FAT1: variants seen among roughly 807,000 people sequenced by gnomAD.
FAT1 encodes the protein FAT atypical cadherin 1.
In FAT1, 171 loss-of-function variants were observed where a neutral mutation model predicts 329.8. That is an observed-to-expected ratio of 0.52 (90% confidence interval 0.46 to 0.59). The LOEUF (loss-of-function observed/expected upper bound fraction) is 0.59, where lower values mean the gene tolerates loss of function less well. Among genes scored for constraint, FAT1 ranks in the 20% least tolerant of loss-of-function variants. The probability of loss-of-function intolerance (pLI) is 0.00; values close to 1 mark genes in which losing one functional copy is unlikely to be tolerated. For missense variants in FAT1, 5,672 were observed against 5,774.4 expected (o/e 0.98, Z 0.57); for synonymous variants, 2,233 against 2,228.6 (o/e 1.00, Z -0.06).
rs764977433 is a variant in FAT1, at chr4:186,618,168, G to C, written c.8418C>G (p.Ser2806Arg). 2 of 1,613,986 alleles carry C rather than the reference G, an allele frequency of 1.2e-6. No individual in the cohort carries two copies. Among genetic ancestry groups the C allele is most frequent in the Non-Finnish European group, 1.7e-6 (2 of 1,179,888 alleles). Residue 2806 changes from serine to arginine, a missense_variant, in exon 10 of 27, where the codon AGC becomes AGG. Transcript: ENST00000441802. ...SIQVKDANDN[S>R]PVFESSPYEA... is the part of the protein sequence containing the mutation. ...CATATGGACTAGATTCAAAGACCGG[G>C]CTGTTGTCATTTGCATCTTTCACTT... is the stretch of plus-strand genomic sequence containing the variant.
At position 186,708,296 on chromosome 4, in the gene FAT1, G is replaced by A. The variant is rs757086321; in HGVS notation, c.1532C>T (p.Ala511Val). The A allele has an allele frequency of 7.5e-5, 121 of 1,613,782 alleles. No homozygotes were observed. The highest frequency in any genetic ancestry group is 9.3e-5 in the Non-Finnish European group (110 of 1,179,892). Residue 511 changes from alanine (A) to valine (V), a missense_variant, in exon 2 of 27, where the codon GCG (alanine) becomes GTG (valine). By Grantham distance (64) the Ala-to-Val change is moderately conservative. Transcript: ENST00000441802. ...CACGGCACCAGTGAAATGGTCAATC[G>A]CAAACGGCACATGATTTAAATTTGC... is the stretch of plus-strand genomic sequence containing the variant. Reference protein sequence around the residue: ...SIANLNHVPFAIDHFTGAVST... With the variant: ...SIANLNHVPFVIDHFTGAVST...
chr4:186,666,103 T>G (rs1463496285), intron 2 of FAT1, among the ~76,000 whole-genome samples: 1 of 150,106 alleles, frequency 6.7e-6, no homozygotes, highest in Non-Finnish European at 1.5e-5. Context: ...AGTTAATGGG[T>G]AAAGCACACC....
chr4:186,652,634 A>AT (rs970194011), intron 3 of FAT1, among the ~76,000 whole-genome samples: 10 of 151,712 alleles, frequency 6.6e-5, no homozygotes, highest in African/African-American at 1.7e-4. Flanking sequence ...CAAATAGGTA[A>AT]TTTTTTTTTA....
chr4:186,714,105 G>A (rs1579500859), intron 1 of FAT1, among the ~76,000 whole-genome samples: 1 of 152,170 alleles, frequency 6.6e-6, no homozygotes, highest in African/African-American at 2.4e-5. Context: ...ACCGAGGAGT[G>A]CCACGGTCTC....
chr4:186,647,956 C>G (rs1028147083), intron 3 of FAT1, among the ~76,000 whole-genome samples: 1 of 152,130 alleles, frequency 6.6e-6, no homozygotes, highest in Admixed American at 6.5e-5. Context: ...AATAAAACAC[C>G]TGTAATACAC....
chr4:186,599,843 C>G (rs986157715), intron 22 of FAT1, 55 bp downstream of exon 22: 24 of 1,327,122 alleles, frequency 1.8e-5, no homozygotes, highest in Non-Finnish European at 2.5e-5. Flanking sequence ...GGGGAGCTTC[C>G]CCTTAAATGT....
chr4:186,679,707 A>C (rs992467105), intron 2 of FAT1, among the ~76,000 whole-genome samples: 2 of 152,174 alleles, frequency 1.3e-5, no homozygotes, highest in Non-Finnish European at 1.5e-5. Context: ...CAAAAGGAAA[A>C]GCATGTTATC....
At chr4:186,681,398 G>C (rs1743198891) in intron 2 of FAT1, among the ~76,000 whole-genome samples, 1 of 152,132 alleles carries the variant, frequency 6.6e-6, no homozygotes, top group Non-Finnish European at 1.5e-5. Context: ...TTCTTAAAGA[G>C]GTATGACACC....
chr4:186,652,245 T>C (rs1304944384), intron 3 of FAT1, among the ~76,000 whole-genome samples: 1 of 152,162 alleles, frequency 6.6e-6, no homozygotes, highest in East Asian at 1.9e-4. Flanking sequence ...AAATGTCAGA[T>C]ATAGCAGGGT....
chr4:186,628,054 T>C (rs1423608700), intron 9 of FAT1, 100 bp downstream of exon 9: 3 of 1,265,872 alleles, frequency 2.4e-6, no homozygotes, highest in Non-Finnish European at 3.3e-6. Context: ...TTTTTGCAGA[T>C]ACATAGAAAT....
chr4:186,641,201 G>A (rs1025953374), intron 3 of FAT1, among the ~76,000 whole-genome samples: 6 of 152,030 alleles, frequency 3.9e-5, no homozygotes, highest in Non-Finnish European at 8.8e-5. Flanking sequence ...ACAATTCAAC[G>A]AAACAGTGTT....
At chr4:186,717,361 G>A (rs1462800629) in intron 1 of FAT1, among the ~76,000 whole-genome samples, 2 of 152,140 alleles carry the variant, frequency 1.3e-5, no homozygotes, top group African/African-American at 4.8e-5. Context: ...CCTTAGGCTT[G>A]GTATATGTCA....
At chr4:186,609,700 T>G in intron 15 of FAT1, 101 bp downstream of exon 15, 3 of 794,748 alleles carry the variant, frequency 3.8e-6, no homozygotes, top group Non-Finnish European at 6.2e-6. Flanking sequence ...CTCCAAAATA[T>G]TTACAAAGGC....
Position 186,603,324 on chromosome 4 carries a change from G to A in FAT1, c.11202C>T (p.Phe3734=), listed in dbSNP as rs1738912851. The change falls in exon 19 of 27, where the codon TTC becomes TTT. Residue 3734 remains phenylalanine, a synonymous_variant. Transcript: ENST00000441802. ...AGTCCAGTCCCGCGCAGAGTTTCTG[G>A]AATACATTCAGTATCCTAACTCCAA... The part of the protein sequence containing the change: ...EIIGVRILNV[F]QKLCAGLDCP... 1.9e-6 allele frequency: 3 copies of A among 1,613,984 alleles called. No individual in the cohort carries two copies. The highest frequency in any genetic ancestry group is 1.6e-4 in the Middle Eastern group (1 of 6,062).
intron 2 of FAT1, among the ~76,000 whole-genome samples, chr4:186,694,742 C>A (rs1297877412): frequency 6.6e-6 from 1 of 152,188 alleles, no homozygotes; most frequent in Non-Finnish European, 1.5e-5. Context: ...GAAGGCAGAT[C>A]ACCTGAGGTC....
intron 2 of FAT1, among the ~76,000 whole-genome samples, chr4:186,664,608 A>C (rs1742342836): frequency 6.6e-6 from 1 of 152,170 alleles, no homozygotes; most frequent in Non-Finnish European, 1.5e-5. Flanking sequence ...ACCAGTCAAA[A>C]CTTAACTTCA....
At chr4:186,681,927 T>G (rs1743226307) in intron 2 of FAT1, among the ~76,000 whole-genome samples, 1 of 152,204 alleles carries the variant, frequency 6.6e-6, no homozygotes, top group Non-Finnish European at 1.5e-5. Flanking sequence ...TCGTTACATT[T>G]TGTCACAACT....
chr4:186,671,639 C>T (rs145969715), intron 2 of FAT1, among the ~76,000 whole-genome samples: 243 of 151,660 alleles, frequency 1.6e-3, no homozygotes, highest in African/African-American at 5.6e-3. Context: ...GTGGAGGTTG[C>T]GGTGAGCCAA....
chr4:186,652,500 T>C lies in FAT1; in HGVS notation c.3580+10799A>G, dbSNP rs1378084906. 2.6e-5 allele frequency among the ~76,000 whole-genome samples: 4 copies of C among 152,358 alleles called. No individual in the cohort carries two copies. In the East Asian group the frequency reaches 5.8e-4, roughly 22 times the overall value. Reference sequence around the variant, plus strand: ...AATGTACTGAATAACATTTGACTTCTTGCAAACTTTAGGGATGATATACTT... The same window carrying C: ...AATGTACTGAATAACATTTGACTTCCTGCAAACTTTAGGGATGATATACTT... On this transcript the variant is annotated intron_variant, in intron 3 of 26. Transcript: ENST00000441802.
Sources: allele counts gnomAD v4.1 joint callset (sites outside exome capture counted in the v4.1 genomes callset), GRCh38; gene constraint gnomAD v4.1.1; transcripts MANE v1.5; gene names NCBI Gene and HGNC (gene_info 2026-07-23, HGNC 2026-07-21).